The following SDK1 variants were observed in gnomAD, a reference collection of about 807,000 sequenced individuals.
The protein encoded by SDK1 is sidekick cell adhesion molecule 1, also known as protein sidekick-1.
A neutral mutation model predicts 245.5 loss-of-function variants in SDK1; 157 were observed. The observed-to-expected ratio is 0.64, with a 90% confidence interval of 0.56 to 0.73. The LOEUF (loss-of-function observed/expected upper bound fraction) is 0.73. Ranked by LOEUF, SDK1 falls within the 30% of genes least tolerant of loss-of-function variation. SDK1 has a pLI of 0.00. For missense variants in SDK1, 3,583 were observed against 3,002.3 expected (o/e 1.19, Z -4.52); for synonymous variants, 1,647 against 1,278.5 (o/e 1.29, Z -6.15).
chr7:4,249,650 C>A (rs566347633), intron 44 of SDK1, among the ~76,000 whole-genome samples: 1 of 152,314 alleles, frequency 6.6e-6, no homozygotes, highest in South Asian at 2.1e-4. Context: ...CTGTGCTCCC[C>A]AGGTTTTTGA....
intron 25 of SDK1, among the ~76,000 whole-genome samples, chr7:4,117,504 A>G (rs1783789327): frequency 6.6e-6 from 1 of 152,120 alleles, no homozygotes; most frequent in Non-Finnish European, 1.5e-5. Flanking sequence ...TCATCAACAC[A>G]CTCATAAGAA....
intron 1 of SDK1, among the ~76,000 whole-genome samples, chr7:3,539,395 A>G (rs1054724504): frequency 2.4e-4 from 36 of 152,160 alleles, no homozygotes; most frequent in African/African-American, 8.0e-4. Flanking sequence ...TTTCCATGGG[A>G]TTTTAATGGG....
intron 4 of SDK1, among the ~76,000 whole-genome samples, chr7:3,685,170 A>G (rs1410838086): frequency 2.0e-5 from 3 of 151,760 alleles, no homozygotes; most frequent in African/African-American, 7.3e-5. Flanking sequence ...ATGCAAATAA[A>G]TTTATACCAA....
At chr7:3,327,447 T>C (rs897225333) in intron 1 of SDK1, among the ~76,000 whole-genome samples, 2 of 152,172 alleles carry the variant, frequency 1.3e-5, no homozygotes, top group Non-Finnish European at 2.9e-5. Flanking sequence ...GGTTTTGTGA[T>C]TAAAATGATG....
At chr7:4,187,236 A>C (rs1782949247) in intron 35 of SDK1, among the ~76,000 whole-genome samples, 1 of 152,180 alleles carries the variant, frequency 6.6e-6, no homozygotes, top group Non-Finnish European at 1.5e-5. Context: ...AAACCTCCAT[A>C]GTTAACCCAC....
At chr7:3,913,345 G>A (rs1388454940) in intron 5 of SDK1, among the ~76,000 whole-genome samples, 2 of 148,440 alleles carry the variant, frequency 1.3e-5, no homozygotes, top group Non-Finnish European at 3.0e-5. Flanking sequence ...CCAGGCTGGA[G>A]TGCAGTGGCA....
intron 17 of SDK1, among the ~76,000 whole-genome samples, chr7:4,040,780 C>T (rs1044066005): frequency 6.6e-6 from 1 of 152,140 alleles, no homozygotes; most frequent in Non-Finnish European, 1.5e-5. Context: ...TTATCTCCCC[C>T]GCTGGTGCCT....
intron 22 of SDK1, among the ~76,000 whole-genome samples, chr7:4,083,175 C>A (rs1306762695): frequency 6.6e-6 from 1 of 152,126 alleles, no homozygotes; most frequent in East Asian, 1.9e-4. Context: ...TACACATATA[C>A]ACACACCTGG....
chr7:3,678,799 C>T (rs1452521545), intron 4 of SDK1, among the ~76,000 whole-genome samples: 1 of 152,144 alleles, frequency 6.6e-6, no homozygotes, highest in East Asian at 1.9e-4. Context: ...TATTTTACCA[C>T]AGTTTTTTAA....
chr7:4,109,453 C>CT (rs1783184899), intron 22 of SDK1, among the ~76,000 whole-genome samples: 1 of 152,218 alleles, frequency 6.6e-6, no homozygotes, highest in Non-Finnish European at 1.5e-5. Flanking sequence ...AGCACGTTTC[C>CT]TATCCTGTCA....
rs1583209949 is a variant in SDK1 at position 4,265,965 on chromosome 7, T to A, written c.*581T>A. 1.0e-6 allele frequency: 1 copy of A among 985,416 alleles called. No homozygotes were observed. The allele number at this position is 985,416 out of a possible 1,614,324, so 61.0% of individuals were successfully genotyped here. A position where few individuals can be genotyped will look rare whatever the true frequency, so the allele number is the denominator to read the frequency against. ...CACTTGGCAGTGTCTAGTCAAGGAG[T>A]CGGCTTTCAGGTTCCTGACGGCCAG... On this transcript the variant is annotated 3_prime_UTR_variant, in exon 45 of 45. Transcript: ENST00000404826.
At chr7:3,655,498 T>TGC (rs1562634436) in intron 4 of SDK1, among the ~76,000 whole-genome samples, 1 of 61,138 alleles carries the variant, frequency 1.6e-5, no homozygotes, top group African/African-American at 3.8e-5. Flanking sequence ...TATATATATA[T>TGC]ATATATGTAT....
At chr7:4,036,374 T>G (rs1788220416) in intron 17 of SDK1, among the ~76,000 whole-genome samples, 1 of 152,218 alleles carries the variant, frequency 6.6e-6, no homozygotes, top group South Asian at 2.1e-4. Flanking sequence ...TGATCAAATG[T>G]TTTTAATATC....
At chr7:3,424,634 C>T (rs1779626456) in intron 1 of SDK1, among the ~76,000 whole-genome samples, 1 of 152,170 alleles carries the variant, frequency 6.6e-6, no homozygotes, top group African/African-American at 2.4e-5. Flanking sequence ...ACAGTGTTCA[C>T]ACCGGTAATC....
intron 22 of SDK1, among the ~76,000 whole-genome samples, chr7:4,091,616 A>G (rs1475132915): frequency 6.6e-6 from 1 of 152,138 alleles, no homozygotes; most frequent in Non-Finnish European, 1.5e-5. Context: ...TGCTAGGATT[A>G]CAGGCGTGAG....
At chr7:3,624,322 C>G (rs1782044079) in intron 2 of SDK1, among the ~76,000 whole-genome samples, 1 of 152,166 alleles carries the variant, frequency 6.6e-6, no homozygotes. Context: ...GCCTCAGCCT[C>G]TCAAGTAGCT....
At position 4,077,049 on chromosome 7, in the gene SDK1, A is replaced by G; in HGVS notation, c.3062A>G (p.His1021Arg). 6.2e-7 allele frequency: 1 copy of G among 1,614,174 alleles called. No homozygotes were observed. Among genetic ancestry groups the G allele is most frequent in the Non-Finnish European group, 8.5e-7 (1 of 1,180,016 alleles). Residue 1021 changes from histidine (H) to arginine (R), a missense_variant, in exon 21 of 45, where the codon CAC (histidine) becomes CGC (arginine). Physicochemically the swap from His to Arg is conservative, Grantham distance 29. Transcript: ENST00000404826. ...VYGRNDSRLTHTLNSTTHEYK... is the reference protein window; with the variant it reads ...VYGRNDSRLTRTLNSTTHEYK... ...GGCAGGAACGACTCTCGTCTCACGC[A>G]CACCCTGAACAGCACGACGCACGAG... is the stretch of plus-strand genomic sequence containing the variant.
intron 17 of SDK1, among the ~76,000 whole-genome samples, chr7:4,035,760 A>G (rs189259254): frequency 1.7e-4 from 26 of 152,330 alleles, no homozygotes; most frequent in South Asian, 8.3e-4. Context: ...ATAATGTGTA[A>G]GATGAGCCTG....
intron 1 of SDK1, among the ~76,000 whole-genome samples, chr7:3,315,257 C>A (rs1044506105): frequency 6.6e-6 from 1 of 152,112 alleles, no homozygotes; most frequent in Non-Finnish European, 1.5e-5. Flanking sequence ...CTTGTTTTTA[C>A]GGAGTGCTTT....
Sources: gnomAD v4.1 joint callset for allele counts (sites outside exome capture counted in the v4.1 genomes callset) on GRCh38, gnomAD v4.1.1 for gene constraint, MANE v1.5 for transcripts, NCBI Gene and HGNC (gene_info 2026-07-23, HGNC 2026-07-21) for gene names.